DSCAM: variants seen among roughly 807,000 people sequenced by gnomAD.
DSCAM encodes the protein cell adhesion molecule DSCAM.
DSCAM carries 47 observed loss-of-function variants against 217.7 expected under a neutral mutation model. The ratio of observed to expected loss-of-function variants is 0.22; its 90% CI spans 0.17 to 0.28. The LOEUF (loss-of-function observed/expected upper bound fraction) is 0.28, where lower values mean the gene tolerates loss of function less well. Among genes scored for constraint, DSCAM ranks in the 10% least tolerant of loss-of-function variants. The pLI, the probability that DSCAM is intolerant of heterozygous loss-of-function variation, is 1.00. For synonymous variants in DSCAM, 1,056 were observed against 1,015.3 expected, an observed-to-expected ratio of 1.04 and a Z score of -0.76; for missense variants, 2,080 against 2,618.3, an observed-to-expected ratio of 0.79 and a Z score of 4.49.
At chr21:40,615,129 C>T (rs957357835) in intron 3 of DSCAM, among the ~76,000 whole-genome samples, 1 of 151,402 alleles carries the variant, frequency 6.6e-6, no homozygotes, top group Non-Finnish European at 1.5e-5. Context: ...CATGGCGAAA[C>T]CCCATCTCTA....
intron 10 of DSCAM, among the ~76,000 whole-genome samples, chr21:40,287,670 C>T (rs556413455): frequency 6.6e-6 from 1 of 152,134 alleles, no homozygotes; most frequent in Non-Finnish European, 1.5e-5. Context: ...CCTGTTGCCC[C>T]CTGTGATGAG....
At chr21:40,840,522 T>C (rs550551002) in intron 1 of DSCAM, among the ~76,000 whole-genome samples, 48 of 152,098 alleles carry the variant, frequency 3.2e-4, no homozygotes, top group Non-Finnish European at 6.6e-4. Context: ...AGCACATGGA[T>C]GAAATTATTG....
chr21:40,374,453 T>C (rs1038333634), intron 3 of DSCAM, among the ~76,000 whole-genome samples: 3 of 152,204 alleles, frequency 2.0e-5, no homozygotes. Context: ...TTTTACATCA[T>C]AATTCTGCCA....
intron 20 of DSCAM, among the ~76,000 whole-genome samples, chr21:40,101,562 G>A (rs538543319): frequency 3.7e-4 from 56 of 152,086 alleles, no homozygotes; most frequent in Middle Eastern, 3.2e-3. Context: ...TAAGAAGCAT[G>A]CAGTATAGGT....
At chr21:40,369,337 C>T (rs1220321219) in intron 3 of DSCAM, 92 bp from the exon 4 acceptor site, 2 of 1,336,122 alleles carry the variant, frequency 1.5e-6, no homozygotes, top group Non-Finnish European at 2.0e-6. Context: ...TTTTTTCCCC[C>T]ACCTGAAGAA....
chr21:40,570,406 C>A (rs959902951), intron 3 of DSCAM, among the ~76,000 whole-genome samples: 1 of 152,204 alleles, frequency 6.6e-6, no homozygotes, highest in Admixed American at 6.5e-5. Context: ...ACCAGCCCGA[C>A]AGAAGGACAG....
intron 3 of DSCAM, among the ~76,000 whole-genome samples, chr21:40,449,210 A>T (rs1177527908): frequency 1.3e-5 from 2 of 151,722 alleles, no homozygotes; most frequent in Non-Finnish European, 2.9e-5. Context: ...TAGAGGATAA[A>T]CTCTCTACCT....
In DSCAM at chr21:40,816,721, T is replaced by A. The variant is rs1702480467; in HGVS notation, c.43+29898A>T. Among the ~76,000 whole-genome samples the A allele has an allele frequency of 2.0e-5, 3 of 150,316 alleles. 1 individual carries two copies. In the South Asian group the frequency reaches 6.2e-4, roughly 31 times the overall value. On this transcript the variant is annotated intron_variant, in intron 1 of 32. Coordinates refer to ENST00000400454, the MANE Select transcript of DSCAM (RefSeq NM_001389.5). ...GAAGTCCTAGCCCAAGGGGATACATTTTTTTTCTTATTAAGCAACGCTGCT... is the reference window on the plus strand; with the variant it reads ...GAAGTCCTAGCCCAAGGGGATACATATTTTTTCTTATTAAGCAACGCTGCT...
At chr21:40,216,366 G>T (rs183694838) in intron 11 of DSCAM, among the ~76,000 whole-genome samples, 1 of 151,570 alleles carries the variant, frequency 6.6e-6, no homozygotes, top group Admixed American at 6.6e-5. Flanking sequence ...CTTCCACCTC[G>T]GCCTCCCAAA....
At chr21:40,612,492 C>T (rs936751652) in intron 3 of DSCAM, among the ~76,000 whole-genome samples, 35 of 152,154 alleles carry the variant, frequency 2.3e-4, no homozygotes, top group African/African-American at 8.4e-4. Flanking sequence ...CTCTACAAAT[C>T]CCCAAGTCAG....
chr21:40,843,368 A>ATG (rs36229663), intron 1 of DSCAM, among the ~76,000 whole-genome samples: 10,482 of 146,050 alleles, frequency 0.072, 433 homozygotes, highest in Middle Eastern at 0.1. Flanking sequence ...GAATGCATGC[A>ATG]TGTGTGTGTG....
At chr21:40,112,971 A>T (rs917005724) in intron 20 of DSCAM, among the ~76,000 whole-genome samples, 2 of 152,176 alleles carry the variant, frequency 1.3e-5, no homozygotes, top group Non-Finnish European at 2.9e-5. Flanking sequence ...ATTCACAGCC[A>T]AATTCTACCA....
At chr21:40,472,260 C>T (rs1422058444) in intron 3 of DSCAM, among the ~76,000 whole-genome samples, 2 of 152,194 alleles carry the variant, frequency 1.3e-5, no homozygotes, top group African/African-American at 4.8e-5. Context: ...ACACTTCATT[C>T]TTCAGTGCTT....
At chr21:40,076,174 A>T (rs1601303928) in intron 26 of DSCAM, among the ~76,000 whole-genome samples, 2 of 152,238 alleles carry the variant, frequency 1.3e-5, no homozygotes, top group South Asian at 2.1e-4. Context: ...TTCCTCTGTG[A>T]TCTCTGCTAA....
intron 6 of DSCAM, among the ~76,000 whole-genome samples, chr21:40,346,204 G>A (rs187875072): frequency 1.3e-5 from 2 of 152,308 alleles, no homozygotes; most frequent in African/African-American, 4.8e-5. Flanking sequence ...TGCACAAATT[G>A]ATTACTTTCT....
rs2146802093 is a variant in DSCAM at position 40,179,021 on chromosome 21, G to C, written c.2853C>G (p.His951Gln). The change falls in exon 15 of 33, where the codon CAC (histidine) becomes CAG (glutamine). Residue 951 changes from histidine to glutamine, a missense_variant. This residue lies in a region of DSCAM where 1,144 missense variants were observed against 1,421.1 expected (regional missense o/e 0.81). Coordinates refer to ENST00000400454, the MANE Select transcript of DSCAM (RefSeq NM_001389.5). Reference sequence around the variant, plus strand: ...TGCGGATGCTGTAGGTGGAGGAAGGGTGGATATCAATGATGGTGGCCGAGT... The same window carrying C: ...TGCGGATGCTGTAGGTGGAGGAAGGCTGGATATCAATGATGGTGGCCGAGT... Reference protein sequence around the residue: ...QLNSATIIDIHPSSTYSIRMY... With the variant: ...QLNSATIIDIQPSSTYSIRMY... The C allele has an allele frequency of 6.2e-7, 1 of 1,614,040 alleles. No homozygotes were observed. The highest frequency in any genetic ancestry group is 8.5e-7 in the Non-Finnish European group (1 of 1,180,010).
intron 2 of DSCAM, among the ~76,000 whole-genome samples, chr21:40,698,335 G>A (rs915629280): frequency 1.3e-5 from 2 of 152,150 alleles, no homozygotes; most frequent in African/African-American, 4.8e-5. Context: ...GTAGACGAGG[G>A]GTCAGCCCAT....
At chr21:40,802,606 C>T (rs1306700840) in intron 1 of DSCAM, among the ~76,000 whole-genome samples, 1 of 152,142 alleles carries the variant, frequency 6.6e-6, no homozygotes, top group African/African-American at 2.4e-5. Context: ...GGGCATAGCC[C>T]TCACAATGGG....
rs1568871237 is a variant in DSCAM at position 40,518,430 on chromosome 21, T to TATGTA, written c.509-149186_509-149185insTACAT. On this transcript the variant is annotated intron_variant, in intron 3 of 32. Coordinates refer to ENST00000400454, the MANE Select transcript of DSCAM (RefSeq NM_001389.5). ...TATATATTATATATATTATATATAT[T>TATGTA]ATATAAATTATATATATTATATATT... Among the ~76,000 whole-genome samples the TATGTA allele has an allele frequency of 1.8e-3, 9 of 4,894 alleles. 1 individual carries two copies. The highest frequency in any genetic ancestry group is 7.6e-3 in the African/African-American group (2 of 262). The allele number at this position is 4,894 out of a possible 152,430, so 3.2% of individuals were successfully genotyped here.
Sources: allele counts gnomAD v4.1 joint callset (sites outside exome capture counted in the v4.1 genomes callset), GRCh38; gene constraint gnomAD v4.1.1; regional missense constraint gnomAD v4.1.1; transcripts MANE v1.5; gene names NCBI Gene and HGNC (gene_info 2026-07-23, HGNC 2026-07-21).